GPLD1: variants seen among roughly 807,000 people sequenced by gnomAD.
The protein encoded by GPLD1 is phosphatidylinositol-glycan-specific phospholipase D.
In GPLD1, 84 loss-of-function variants were observed where a neutral mutation model predicts 112.6. The ratio of observed to expected loss-of-function variants is 0.75; its 90% confidence interval spans 0.63 to 0.89. The LOEUF (loss-of-function observed/expected upper bound fraction) is 0.89. Among genes scored for constraint, GPLD1 ranks in the 40% least tolerant of loss-of-function variants. The pLI is 0.00. For missense variants in GPLD1, 1,044 were observed against 1,051.5 expected (o/e 0.99, Z 0.10); for synonymous variants, 386 against 403.8 (o/e 0.96, Z 0.53).
At chr6:24,456,765 A>G (rs1763282230) in intron 12 of GPLD1, 128 bp from the exon 13 acceptor site, 2 of 591,202 alleles carry the variant, frequency 3.4e-6, no homozygotes, top group East Asian at 5.5e-5. Flanking sequence ...CAATAAAATA[A>G]AACATTAGGT....
chr6:24,435,038 G>C (rs1222949902), intron 22 of GPLD1, among the ~76,000 whole-genome samples: 2 of 142,630 alleles, frequency 1.4e-5, no homozygotes, highest in Non-Finnish European at 3.0e-5. Flanking sequence ...TTTTGAGACA[G>C]AGTCTTGCTG....
intron 5 of GPLD1, among the ~76,000 whole-genome samples, chr6:24,474,457 A>G (rs1389527266): frequency 6.6e-6 from 1 of 152,186 alleles, no homozygotes; most frequent in Non-Finnish European, 1.5e-5. Context: ...AATAAAGTAG[A>G]AGTATTACTT....
intron 6 of GPLD1, chr6:24,472,961 AGGTG>A: frequency 4.8e-5 from 10 of 209,694 alleles, no homozygotes; most frequent in African/African-American, 2.1e-4. Flanking sequence ...TTTTTAGTAG[AGGTG>A]GGGTTTCACC....
chr6:24,442,024 T>C (rs895466165), intron 20 of GPLD1, among the ~76,000 whole-genome samples: 8 of 148,344 alleles, frequency 5.4e-5, no homozygotes, highest in African/African-American at 2.0e-4. Context: ...TATATACATA[T>C]TATATACATT....
upstream of GPLD1, among the ~76,000 whole-genome samples, chr6:24,491,292 T>C (rs1434847167): frequency 1.3e-5 from 2 of 152,196 alleles, no homozygotes; most frequent in Non-Finnish European, 2.9e-5. Context: ...CTTTGGATAT[T>C]GTCTCTCAGA....
chr6:24,483,451 G>C (rs941541645), intron 2 of GPLD1, among the ~76,000 whole-genome samples: 1 of 151,704 alleles, frequency 6.6e-6, no homozygotes, highest in African/African-American at 2.4e-5. Flanking sequence ...GGCTGCGGCG[G>C]GTGGATCACT....
chr6:24,465,570 TA>T (rs373392356), intron 10 of GPLD1, among the ~76,000 whole-genome samples: 8 of 147,102 alleles, frequency 5.4e-5, no homozygotes, highest in South Asian at 2.1e-4. Context: ...CATGTGCTCT[TA>T]AAAAAAAAAG....
upstream of GPLD1, among the ~76,000 whole-genome samples, chr6:24,492,748 A>T (rs1764590033): frequency 6.6e-6 from 1 of 152,018 alleles, no homozygotes; most frequent in African/African-American, 2.4e-5. Flanking sequence ...CCAGGAGGAA[A>T]TTGTTTACAC....
In GPLD1 at chr6:24,460,323, A is replaced by C. The variant is rs746046722; in HGVS notation, c.964T>G (p.Tyr322Asp). ...LTESVDRNIN[Y>D]TERGVFFSVN... is the part of the protein sequence containing the mutation. ...CTAAAGAACACTCCTCTTTCAGTAT[A>C]GTTTATATTCCTGTCAACACTTTCA... Residue 322 changes from tyrosine to aspartate, a missense_variant, in exon 12 of 25, where the codon TAT becomes GAT. By Grantham distance (160) the Tyr-to-Asp change is radical (BLOSUM62 -3). Coordinates refer to ENST00000230036, the MANE Select transcript of GPLD1 (RefSeq NM_001503.4). 3 of 1,613,360 alleles carry C rather than the reference A, an allele frequency of 1.9e-6. No individual in the cohort carries two copies. The highest frequency in any genetic ancestry group is 8.5e-7 in the Non-Finnish European group (1 of 1,179,278).
upstream of GPLD1, among the ~76,000 whole-genome samples, chr6:24,494,144 C>T (rs1044440332): frequency 6.6e-6 from 1 of 152,194 alleles, no homozygotes; most frequent in African/African-American, 2.4e-5. Context: ...GGTGACCCAA[C>T]TTTAATCTTA....
intron 21 of GPLD1, 53 bp downstream of exon 21, chr6:24,437,060 C>G: frequency 3.3e-6 from 5 of 1,515,450 alleles, no homozygotes; most frequent in Non-Finnish European, 4.6e-6. Flanking sequence ...AGGGGACCCA[C>G]CCCCTGGGCA....
intron 12 of GPLD1, among the ~76,000 whole-genome samples, chr6:24,457,489 G>C (rs563956427): frequency 3.3e-5 from 5 of 152,142 alleles, no homozygotes; most frequent in Admixed American, 6.5e-5. Flanking sequence ...TCAACAACAA[G>C]AAAAAGAACA....
At chr6:24,456,037 A>C (rs533668700) in intron 13 of GPLD1, among the ~76,000 whole-genome samples, 1 of 152,144 alleles carries the variant, frequency 6.6e-6, no homozygotes, top group Non-Finnish European at 1.5e-5. Flanking sequence ...TTTTTTAATC[A>C]AATAAATTAA....
At chr6:24,463,098 G>A (rs1763490311) in intron 10 of GPLD1, among the ~76,000 whole-genome samples, 1 of 152,094 alleles carries the variant, frequency 6.6e-6, no homozygotes, top group Non-Finnish European at 1.5e-5. Context: ...GAATTTGAGA[G>A]TGTTATCAAC....
intron 20 of GPLD1, among the ~76,000 whole-genome samples, chr6:24,438,172 G>T (rs915444777): frequency 6.6e-6 from 1 of 152,166 alleles, no homozygotes; most frequent in African/African-American, 2.4e-5. Context: ...TGCATCAGGC[G>T]CCCATTCCAC....
intron 1 of GPLD1, among the ~76,000 whole-genome samples, chr6:24,488,037 G>C (rs1361325963): frequency 6.6e-6 from 1 of 151,944 alleles, no homozygotes; most frequent in Non-Finnish European, 1.5e-5. Flanking sequence ...TTCATTTTTT[G>C]CCTATAATCT....
intron 7 of GPLD1, among the ~76,000 whole-genome samples, chr6:24,469,074 C>A (rs1763712316): frequency 6.6e-6 from 1 of 152,142 alleles, no homozygotes. Flanking sequence ...ATTTAAAAAC[C>A]AGATTTATAC....
chr6:24,476,064 A>C, intron 4 of GPLD1, 117 bp downstream of exon 4: 2 of 616,940 alleles, frequency 3.2e-6, no homozygotes, highest in South Asian at 4.0e-5. Context: ...CATGACACTG[A>C]AGGTGGAATG....
At chr6:24,437,928 G>T (rs72833080) in intron 20 of GPLD1, among the ~76,000 whole-genome samples, 10 of 152,250 alleles carry the variant, frequency 6.6e-5, no homozygotes, top group Non-Finnish European at 1.2e-4. Flanking sequence ...GCTTCCCTGT[G>T]CTCCCATACA....
Sources: allele counts gnomAD v4.1 joint callset (sites outside exome capture counted in the v4.1 genomes callset), GRCh38; gene constraint gnomAD v4.1.1; transcripts MANE v1.5; gene names NCBI Gene and HGNC (gene_info 2026-07-23, HGNC 2026-07-21).